The following COL4A6 variants were observed in gnomAD, a reference collection of about 807,000 sequenced individuals.
COL4A6 encodes collagen type IV alpha 6 chain, also known as collagen alpha-6(IV) chain.
COL4A6 carries 59 observed loss-of-function variants against 126.7 expected under a neutral mutation model. The ratio of observed to expected loss-of-function variants is 0.47; its 90% CI spans 0.38 to 0.58. The LOEUF (loss-of-function observed/expected upper bound fraction) is 0.58. Ranked by LOEUF, COL4A6 falls within the 20% of genes least tolerant of loss-of-function variation. The probability of loss-of-function intolerance (pLI) is 0.00; values close to 1 mark genes in which losing one functional copy is unlikely to be tolerated. For synonymous variants in COL4A6, 547 were observed against 496.6 expected (o/e 1.10, Z -1.35); for missense variants, 1,285 against 1,337.3 (o/e 0.96, Z 0.61).
intron 14 of COL4A6, among the ~76,000 whole-genome samples, chrX:108,195,820 GA>G (rs1322139298): frequency 3.6e-5 from 4 of 111,227 alleles, no homozygotes; most frequent in Non-Finnish European, 7.5e-5. Context: ...AGGAGCGGGG[GA>G]AAGTAGAGAA....
At chrX:108,365,326 T>C (rs111265743) in intron 2 of COL4A6, among the ~76,000 whole-genome samples, 212 of 111,971 alleles carry the variant, frequency 1.9e-3, no homozygotes, top group South Asian at 0.017. Context: ...ATAAGAGTAA[T>C]GTTTATAAAA....
In COL4A6 at chrX:108,156,840, C is replaced by T; in HGVS notation, c.*160G>A. ...GGGCTCATCTCTATGGACCCGAGGG[C>T]TGGGGTGACGAGTGTCCGGTAGTCT... On this transcript the variant is annotated 3_prime_UTR_variant, in exon 45 of 45. Transcript: ENST00000334504. 1.9e-6 allele frequency: 1 copy of T among 537,808 alleles called. No homozygotes were observed. Among genetic ancestry groups the T allele is most frequent in the Non-Finnish European group, 3.1e-6 (1 of 318,630 alleles). 44.3% of individuals were successfully genotyped at this position (537,808 alleles called of 1,213,427 possible).
At chrX:108,371,279 C>A (rs749122838) in intron 2 of COL4A6, among the ~76,000 whole-genome samples, 43 of 109,484 alleles carry the variant, frequency 3.9e-4, no homozygotes, top group Middle Eastern at 9.3e-3. Context: ...CCCCCTTTGG[C>A]CTTTAAAAAA....
At chrX:108,389,182 C>T (rs1206958356) in intron 2 of COL4A6, among the ~76,000 whole-genome samples, 1 of 111,697 alleles carries the variant, frequency 9.0e-6, no homozygotes, top group East Asian at 2.8e-4. Context: ...CTGAGAAGAA[C>T]ACATATTCTG....
intron 2 of COL4A6, among the ~76,000 whole-genome samples, chrX:108,311,751 C>A (rs1240153781): frequency 9.0e-6 from 1 of 111,668 alleles, no homozygotes; most frequent in Non-Finnish European, 1.9e-5. Context: ...ATTTCATTAC[C>A]TTTTCATCGT....
intron 2 of COL4A6, among the ~76,000 whole-genome samples, chrX:108,360,697 C>T (rs146703823): frequency 0.015 from 1,612 of 109,763 alleles, 26 homozygotes; most frequent in African/African-American, 0.051. Context: ...CCACCATGCC[C>T]AGCTTTTTTT....
In COL4A6 at chrX:108,205,511, A is replaced by G. The variant is rs1323883507; in HGVS notation, c.646-31T>C. On this transcript the variant is annotated intron_variant, in intron 10 of 44. Coordinates refer to ENST00000334504, the MANE Select transcript of COL4A6 (RefSeq NM_033641.4). ...GAATAGGGATATAGGGAGGAAAAAC[A>G]AAATCGATTACTAAATAAGCTCTGG... is the stretch of plus-strand genomic sequence containing the variant. The G allele has an allele frequency of 2.6e-6, 3 of 1,155,797 alleles. No homozygotes were observed. The Admixed American group carries it at 6.9e-5, about 27-fold the overall frequency.
chrX:108,171,771 G>C (rs1246685594), intron 32 of COL4A6, among the ~76,000 whole-genome samples: 1 of 111,925 alleles, frequency 8.9e-6, no homozygotes, highest in African/African-American at 3.2e-5. Flanking sequence ...AGTGATGCCA[G>C]CAAGAATGGG....
At chrX:108,421,814 C>A in intron 2 of COL4A6, among the ~76,000 whole-genome samples, 1 of 111,438 alleles carries the variant, frequency 9.0e-6, no homozygotes, top group South Asian at 3.8e-4. Flanking sequence ...GGAGGCGGGG[C>A]CATGGAAGTG....
intron 2 of COL4A6, among the ~76,000 whole-genome samples, chrX:108,346,379 G>GA (rs112470703): frequency 2.0e-4 from 22 of 107,430 alleles, no homozygotes; most frequent in African/African-American, 6.1e-4. Flanking sequence ...CCTCTGAAAT[G>GA]AAAAAAAAAA....
chrX:108,187,244 C>A lies in COL4A6; in HGVS notation c.1803G>T (p.Gly601=), dbSNP rs1183445563. 11 of 1,177,373 alleles carry A rather than the reference C, an allele frequency of 9.3e-6. No homozygotes were observed. Among genetic ancestry groups the A allele is most frequent in the Non-Finnish European group, 1.3e-5 (11 of 875,095 alleles). The change falls in exon 23 of 45, where the codon GGG becomes GGT. Residue 601 remains glycine, a synonymous_variant. Transcript: ENST00000334504. ...DGGQGFPGEK[G]LPGLPGEKGH... The stretch of plus-strand genomic sequence containing the variant: ...CTTTTTCACCAGGAAGTCCAGGTAA[C>A]CCCTTTTCACCTGGGAAGCCCTGTC...
chrX:108,329,052 G>C (rs1254812052), intron 2 of COL4A6, among the ~76,000 whole-genome samples: 1 of 111,691 alleles, frequency 9.0e-6, no homozygotes, highest in Non-Finnish European at 1.9e-5. Context: ...GTTTCTAGGG[G>C]CTAAGAAGAG....
chrX:108,406,511 G>A (rs148276913), intron 2 of COL4A6, among the ~76,000 whole-genome samples: 34 of 109,901 alleles, frequency 3.1e-4, no homozygotes, highest in Non-Finnish European at 3.8e-4. Context: ...GCCTATTCTA[G>A]GCTTGTTTTT....
intron 2 of COL4A6, among the ~76,000 whole-genome samples, chrX:108,401,588 ATGGG>A (rs914595431): frequency 2.1e-4 from 23 of 111,146 alleles, no homozygotes; most frequent in African/African-American, 6.8e-4. Flanking sequence ...TTGTGGAATT[ATGGG>A]TGGGTACTCT....
intron 2 of COL4A6, among the ~76,000 whole-genome samples, chrX:108,345,798 T>C (rs1243516353): frequency 9.0e-6 from 1 of 111,633 alleles, no homozygotes; most frequent in Non-Finnish European, 1.9e-5. Flanking sequence ...ATGTGGAGCA[T>C]CTGCCTAAAA....
At chrX:108,194,969 A>G in intron 15 of COL4A6, 113 bp downstream of exon 15, 1 of 592,842 alleles carries the variant, frequency 1.7e-6, no homozygotes, top group East Asian at 3.3e-5. Flanking sequence ...AAAAAGGGAG[A>G]TGAACAATTT....
intron 2 of COL4A6, among the ~76,000 whole-genome samples, 177 bp from the exon 3 acceptor site, chrX:108,311,005 C>T (rs1356903082): frequency 1.8e-5 from 2 of 112,168 alleles, no homozygotes; most frequent in Non-Finnish European, 3.8e-5. Flanking sequence ...CCTTTTAGTT[C>T]AGGTCTATAC....
intron 27 of COL4A6, among the ~76,000 whole-genome samples, chrX:108,177,900 T>G (rs2148112673): frequency 9.0e-6 from 1 of 111,572 alleles, no homozygotes; most frequent in African/African-American, 3.3e-5. Context: ...CAGGGATCCC[T>G]GGCCTTGTAA....
chrX:108,247,475 C>T (rs2036745306), intron 3 of COL4A6, among the ~76,000 whole-genome samples: 1 of 110,351 alleles, frequency 9.1e-6, no homozygotes, highest in African/African-American at 3.3e-5. Flanking sequence ...CCCACATTTC[C>T]CCCTGCCCTC....
Sources: gnomAD v4.1 joint callset for allele counts (sites outside exome capture counted in the v4.1 genomes callset) on GRCh38, gnomAD v4.1.1 for gene constraint, MANE v1.5 for transcripts, NCBI Gene and HGNC (gene_info 2026-07-23, HGNC 2026-07-21) for gene names.